The following DNAJC1 variants were observed in gnomAD, a reference collection of about 807,000 sequenced individuals.
The protein encoded by DNAJC1 is DnaJ heat shock protein family (Hsp40) member C1, also known as dnaJ homolog subfamily C member 1.
A neutral mutation model predicts 76.6 loss-of-function variants in DNAJC1; 58 were observed. That is an observed-to-expected ratio of 0.76 (90% CI 0.61 to 0.94). DNAJC1 has a LOEUF of 0.94. DNAJC1 is among the 40% of genes least tolerant of loss of function. The pLI is 0.00. For synonymous variants in DNAJC1, 258 were observed against 267.9 expected (o/e 0.96, Z 0.36); for missense variants, 689 against 677.3 (o/e 1.02, Z -0.19).
chr10:21,990,333 G>C (rs1194582173), intron 1 of DNAJC1, among the ~76,000 whole-genome samples: 1 of 152,002 alleles, frequency 6.6e-6, no homozygotes, highest in Non-Finnish European at 1.5e-5. Context: ...CATATCTAAA[G>C]ACAATGAAAA....
Position 21,804,378 on chromosome 10 carries a change from T to A in DNAJC1, c.1098+1602A>T, listed in dbSNP as rs138986950. On this transcript the variant is annotated intron_variant, in intron 9 of 11. Transcript: ENST00000376980. Reference sequence around the variant, plus strand: ...AGTTTAGGGCCTTTTTAAACCAATGTTTTATAACTTTAAAAAATTATTTTA... The same window carrying A: ...AGTTTAGGGCCTTTTTAAACCAATGATTTATAACTTTAAAAAATTATTTTA... Among the ~76,000 whole-genome samples the A allele has an allele frequency of 8.6e-3, 1,309 of 152,122 alleles. 12 individuals are homozygous for A. The highest frequency in any genetic ancestry group is 0.012 in the Non-Finnish European group (809 of 67,936).
At chr10:21,880,349 G>A (rs1184110449) in intron 8 of DNAJC1, among the ~76,000 whole-genome samples, 1 of 152,078 alleles carries the variant, frequency 6.6e-6, no homozygotes, top group Non-Finnish European at 1.5e-5. Flanking sequence ...TGTTTGTAAT[G>A]GCATCTAGAA....
intron 11 of DNAJC1, among the ~76,000 whole-genome samples, chr10:21,757,268 C>T (rs1048604731): frequency 2.6e-5 from 4 of 152,144 alleles, no homozygotes; most frequent in Admixed American, 2.6e-4. Context: ...TCCATCCCAC[C>T]CTACAGGCTG....
chr10:21,898,797 C>T (rs1306043999), intron 7 of DNAJC1, among the ~76,000 whole-genome samples: 1 of 150,622 alleles, frequency 6.6e-6, no homozygotes, highest in Non-Finnish European at 1.5e-5. Context: ...ATATACTATA[C>T]TTCCTAACAT....
chr10:21,985,228 CCAGA>C (rs1838223425), intron 1 of DNAJC1, among the ~76,000 whole-genome samples: 1 of 151,742 alleles, frequency 6.6e-6, no homozygotes, highest in Admixed American at 6.6e-5. Flanking sequence ...ATCCCCATCC[CCAGA>C]CAAACCACTA....
At chr10:21,843,393 T>G (rs1023355522) in intron 8 of DNAJC1, among the ~76,000 whole-genome samples, 1 of 118,590 alleles carries the variant, frequency 8.4e-6, no homozygotes, top group Non-Finnish European at 1.7e-5. Context: ...GAGGTTTCCC[T>G]TTTTTTTTTT....
chr10:21,914,691 A>G (rs2131760586), intron 6 of DNAJC1, among the ~76,000 whole-genome samples: 1 of 152,312 alleles, frequency 6.6e-6, no homozygotes, highest in Non-Finnish European at 1.5e-5. Flanking sequence ...CTCTTTAAAA[A>G]AAGGCTGTTG....
chr10:21,990,726 T>G (rs1443289898), intron 1 of DNAJC1, among the ~76,000 whole-genome samples: 3 of 152,182 alleles, frequency 2.0e-5, no homozygotes, highest in Non-Finnish European at 4.4e-5. Context: ...ATTGTCAGTT[T>G]TAAAATTTTT....
intron 8 of DNAJC1, among the ~76,000 whole-genome samples, chr10:21,868,080 A>AAAAAAAAAAC (rs1554892645): frequency 0.015 from 1,612 of 110,570 alleles, 28 homozygotes; most frequent in East Asian, 0.048. Context: ...TGTCTCCAAA[A>AAAAAAAAAAC]AAAAAAAAAC....
At chr10:21,839,765 T>C (rs886110148) in intron 8 of DNAJC1, among the ~76,000 whole-genome samples, 3 of 152,186 alleles carry the variant, frequency 2.0e-5, no homozygotes, top group African/African-American at 7.2e-5. Flanking sequence ...GCCAGCATCA[T>C]CCTGATACCA....
intron 7 of DNAJC1, among the ~76,000 whole-genome samples, chr10:21,900,699 T>C (rs1183851824): frequency 6.6e-6 from 1 of 152,208 alleles, no homozygotes. Context: ...ATTTTAGGTT[T>C]TATAATATGA....
intron 1 of DNAJC1, among the ~76,000 whole-genome samples, chr10:21,981,052 A>G (rs1838147984): frequency 6.6e-6 from 1 of 152,108 alleles, no homozygotes; most frequent in South Asian, 2.1e-4. Flanking sequence ...CTCTGTTTCT[A>G]TGTTTATTAA....
At chr10:21,910,550 G>A (rs1350770431) in intron 6 of DNAJC1, among the ~76,000 whole-genome samples, 1 of 151,976 alleles carries the variant, frequency 6.6e-6, no homozygotes, top group Non-Finnish European at 1.5e-5. Flanking sequence ...AGAAACAAGG[G>A]CATTAAACTA....
intron 8 of DNAJC1, chr10:21,866,058 C>T (rs1299689724): frequency 6.7e-6 from 1 of 149,286 alleles, no homozygotes; most frequent in Admixed American, 6.7e-5. Flanking sequence ...CTGCTTGAAC[C>T]TGGGAGGTGG....
At chr10:21,972,544 T>G (rs1837998311) in intron 1 of DNAJC1, among the ~76,000 whole-genome samples, 1 of 152,034 alleles carries the variant, frequency 6.6e-6, no homozygotes, top group African/African-American at 2.4e-5. Context: ...GCAATTAATT[T>G]AAATAAGAAA....
chr10:21,996,811 A>C (rs1055536694), intron 1 of DNAJC1, among the ~76,000 whole-genome samples: 2 of 152,214 alleles, frequency 1.3e-5, no homozygotes, highest in Admixed American at 1.3e-4. Flanking sequence ...CTTCCACTAA[A>C]CTATACATAT....
chr10:21,990,568 T>G (rs888958141), intron 1 of DNAJC1, among the ~76,000 whole-genome samples: 3 of 152,164 alleles, frequency 2.0e-5, no homozygotes, highest in South Asian at 2.1e-4. Flanking sequence ...CTGAGTAGTA[T>G]TATACAAAAA....
chr10:21,963,469 TTAGA>T (rs1490003559), intron 1 of DNAJC1, among the ~76,000 whole-genome samples: 5 of 152,350 alleles, frequency 3.3e-5, no homozygotes, highest in East Asian at 3.9e-4. Context: ...TTGTTTTAAG[TTAGA>T]TAGAATAAAG....
rs575030889 is a variant in DNAJC1, at chr10:21,803,594, T to C, written c.1098+2386A>G. 2.1e-5 allele frequency among the ~76,000 whole-genome samples: 3 copies of C among 144,278 alleles called. No individual in the cohort carries two copies. In the South Asian group the frequency reaches 6.5e-4, roughly 31 times the overall value. The allele number at this position is 144,278 out of a possible 152,430, so 94.7% of individuals were successfully genotyped here. ...CTCTTTTACAGAGTGATTTTCTGTG[T>C]GTGTGTGTGTGTGTGTGTGTGTGTG... On this transcript the variant is annotated intron_variant, in intron 9 of 11. Transcript: ENST00000376980.
Sources: gnomAD v4.1 joint callset for allele counts (sites outside exome capture counted in the v4.1 genomes callset) on GRCh38, gnomAD v4.1.1 for gene constraint, MANE v1.5 for transcripts, NCBI Gene and HGNC (gene_info 2026-07-23, HGNC 2026-07-21) for gene names.